The following TRIM5 variants were observed in gnomAD, a reference collection of about 807,000 sequenced individuals.
TRIM5 encodes tripartite motif-containing protein 5.
TRIM5 carries 31 observed loss-of-function variants against 35.6 expected under a neutral mutation model. The observed-to-expected ratio is 0.87, with a 90% CI of 0.65 to 1.18. The LOEUF (loss-of-function observed/expected upper bound fraction) is 1.18. Ranked by LOEUF, TRIM5 falls within the 50% of genes most tolerant of loss-of-function variation. The pLI, the probability that TRIM5 is intolerant of heterozygous loss-of-function variation, is 0.00. For synonymous variants in TRIM5, 243 were observed against 215.6 expected (o/e 1.13, Z -1.11); for missense variants, 609 against 591.6 (o/e 1.03, Z -0.31).
chr11:5,674,733 C>G (rs917537918), intron 4 of TRIM5, among the ~76,000 whole-genome samples: 4 of 152,206 alleles, frequency 2.6e-5, no homozygotes. Flanking sequence ...AACTGGATAG[C>G]CATATGCAGA....
In TRIM5 at chr11:5,664,301, T is replaced by G; in HGVS notation, c.*508A>C. ...CTGCTGGTATATGGAGAGACAGGAG[T>G]TGAACTGAGATCCTCTAGATACAAA... is the stretch of plus-strand genomic sequence containing the variant. On this transcript the variant is annotated 3_prime_UTR_variant, in exon 8 of 8. Coordinates refer to ENST00000380034, the MANE Select transcript of TRIM5 (RefSeq NM_033034.3). The G allele has an allele frequency of 2.0e-6, 2 of 985,534 alleles. No individual in the cohort carries two copies. Among genetic ancestry groups the G allele is most frequent in the Non-Finnish European group, 2.4e-6 (2 of 830,348 alleles). 61.0% of individuals were successfully genotyped at this position (985,534 alleles called of 1,614,324 possible).
At chr11:5,615,293 T>C in the TRIM5 span, among the ~76,000 whole-genome samples, 3 of 152,200 alleles carry the variant, frequency 2.0e-5, no homozygotes, top group Non-Finnish European at 4.4e-5. Context: ...GTTGATATTA[T>C]TCAAATCTTC....
chr11:5,641,998 A>G, the TRIM5 span, among the ~76,000 whole-genome samples: 1 of 152,178 alleles, frequency 6.6e-6, no homozygotes, highest in Admixed American at 6.5e-5. Flanking sequence ...TCTACAGCTC[A>G]GAATACCACA....
the TRIM5 span, among the ~76,000 whole-genome samples, chr11:5,625,496 A>G: frequency 6.6e-6 from 1 of 152,156 alleles, no homozygotes; most frequent in Non-Finnish European, 1.5e-5. Flanking sequence ...AAGTGTGTGC[A>G]GGGCTTAGCT....
chr11:5,640,031 G>C, the TRIM5 span, among the ~76,000 whole-genome samples: 6 of 152,160 alleles, frequency 3.9e-5, no homozygotes, highest in Admixed American at 3.9e-4. Context: ...ATAAATTATT[G>C]TTGACTATAG....
At chr11:5,615,829 G>T in the TRIM5 span, among the ~76,000 whole-genome samples, 1 of 151,764 alleles carries the variant, frequency 6.6e-6, no homozygotes, top group African/African-American at 2.4e-5. Flanking sequence ...CTGACCTCAG[G>T]TGATCCACCC....
the TRIM5 span, among the ~76,000 whole-genome samples, chr11:5,652,135 G>GT: frequency 2.2e-4 from 33 of 151,464 alleles, 1 homozygote; most frequent in African/African-American, 5.6e-4. Context: ...TTTGGTTTTG[G>GT]TTTTTTTTGC....
the TRIM5 span, among the ~76,000 whole-genome samples, chr11:5,622,976 G>A: frequency 4.6e-5 from 7 of 152,224 alleles, no homozygotes; most frequent in Admixed American, 6.5e-5. Context: ...AGCTGAGTCC[G>A]GAAGGGGGTT....
the TRIM5 span, among the ~76,000 whole-genome samples, chr11:5,621,290 G>C: frequency 1.3e-5 from 2 of 152,172 alleles, no homozygotes; most frequent in African/African-American, 4.8e-5. Context: ...AGTAAAGCCA[G>C]AGGGATCTGA....
At chr11:5,654,272 T>C in the TRIM5 span, among the ~76,000 whole-genome samples, 1 of 152,210 alleles carries the variant, frequency 6.6e-6, no homozygotes, top group Non-Finnish European at 1.5e-5. Context: ...ATCTGGTTAA[T>C]AGTCATTTCT....
At chr11:5,667,520 G>C (rs1851234901) in intron 5 of TRIM5, among the ~76,000 whole-genome samples, 169 bp downstream of exon 5, 1 of 152,130 alleles carries the variant, frequency 6.6e-6, no homozygotes. Context: ...ATTCTTAATA[G>C]TTATAGAACA....
chr11:5,603,517 C>T, the TRIM5 span: 56 of 1,613,978 alleles, frequency 3.5e-5, no homozygotes, highest in African/African-American at 8.0e-5. Flanking sequence ...AGGGAACCTG[C>T]GGCCTAATCG....
chr11:5,628,380 C>T, the TRIM5 span, among the ~76,000 whole-genome samples: 1 of 152,218 alleles, frequency 6.6e-6, no homozygotes, highest in Non-Finnish European at 1.5e-5. Flanking sequence ...CATATAAACT[C>T]CTTGTCTTAC....
chr11:5,596,925 C>A, the TRIM5 span: 3 of 1,614,022 alleles, frequency 1.9e-6, no homozygotes, highest in East Asian at 4.5e-5. Flanking sequence ...GTATGTCTAC[C>A]GTTCTGTTGA....
the TRIM5 span, chr11:5,632,820 T>C: frequency 2.5e-6 from 3 of 1,184,300 alleles, no homozygotes; most frequent in Admixed American, 3.3e-5. Flanking sequence ...CACCTTTTCA[T>C]CCTTTTTTTT....
chr11:5,633,920 T>A, the TRIM5 span: 1,414,008 of 1,611,992 alleles, frequency 0.88, 621,121 homozygotes, highest in East Asian at 1. Flanking sequence ...ATTCTGAAGG[T>A]TTTCTGAGAC....
chr11:5,603,798 A>G, the TRIM5 span: 8 of 1,577,154 alleles, frequency 5.1e-6, no homozygotes, highest in Non-Finnish European at 5.2e-6. Context: ...TTAACGTTTT[A>G]TCATGCTCTG....
the TRIM5 span, among the ~76,000 whole-genome samples, chr11:5,636,033 C>G: frequency 6.6e-6 from 1 of 152,138 alleles, no homozygotes; most frequent in Non-Finnish European, 1.5e-5. Context: ...TCCATTCCTA[C>G]CTATATACCT....
rs1369320701 is a variant in TRIM5, at chr11:5,679,168, A to C, written c.419T>G (p.Val140Gly). ...CATCTCCAGAGCTGCCTGGAGCTTC[A>C]CCTGTGAGAAAGGAATCACACCATA... ...LTEEVAREYQ[V>G]KLQAALEMLR... Residue 140 changes from valine (V) to glycine (G), a missense_variant and splice_region_variant, in exon 3 of 8, where the codon GTG becomes GGG. Physicochemically the swap from Val to Gly is moderately radical, Grantham distance 109 (BLOSUM62 -3). Coordinates refer to ENST00000380034, the MANE Select transcript of TRIM5 (RefSeq NM_033034.3). 3 of 1,613,478 alleles carry C rather than the reference A, an allele frequency of 1.9e-6. No individual in the cohort carries two copies. Among genetic ancestry groups the C allele is most frequent in the Non-Finnish European group, 2.5e-6 (3 of 1,179,694 alleles).
Sources: gnomAD v4.1 joint callset for allele counts (sites outside exome capture counted in the v4.1 genomes callset) on GRCh38, gnomAD v4.1.1 for gene constraint, MANE v1.5 for transcripts, NCBI Gene and HGNC (gene_info 2026-07-23, HGNC 2026-07-21) for gene names.